SLC24A2: variants seen among roughly 807,000 people sequenced by gnomAD.
SLC24A2 encodes solute carrier family 24 member 2.
A neutral mutation model predicts 62.0 loss-of-function variants in SLC24A2; 36 were observed. That is an observed-to-expected ratio of 0.58 (90% CI 0.44 to 0.77). The LOEUF (loss-of-function observed/expected upper bound fraction) is 0.77. SLC24A2 is among the 30% of genes least tolerant of loss of function. The probability of loss-of-function intolerance (pLI) is 0.00; values close to 1 mark genes in which losing one functional copy is unlikely to be tolerated. For synonymous variants in SLC24A2, 358 were observed against 294.0 expected (o/e 1.22, Z -2.23); for missense variants, 846 against 817.9 (o/e 1.03, Z -0.42).
At chr9:19,755,896 T>G (rs921835887) in intron 2 of SLC24A2, among the ~76,000 whole-genome samples, 11 of 144,240 alleles carry the variant, frequency 7.6e-5, no homozygotes, top group African/African-American at 2.8e-4. Flanking sequence ...TTTAGCGATG[T>G]AGCTCTCATT....
the SLC24A2 span, among the ~76,000 whole-genome samples, chr9:20,008,912 C>T: frequency 6.6e-6 from 1 of 152,122 alleles, no homozygotes; most frequent in Admixed American, 6.5e-5. Flanking sequence ...CACAGAAATC[C>T]AACTGGCAAC....
intron 4 of SLC24A2, among the ~76,000 whole-genome samples, chr9:19,617,144 G>C (rs545870959): frequency 6.6e-6 from 1 of 152,200 alleles, no homozygotes; most frequent in South Asian, 2.1e-4. Flanking sequence ...GGATGAAACT[G>C]TTCCACCTCG....
At chr9:19,722,037 C>A (rs1052859211) in intron 2 of SLC24A2, among the ~76,000 whole-genome samples, 9 of 152,068 alleles carry the variant, frequency 5.9e-5, no homozygotes, top group African/African-American at 2.2e-4. Context: ...TTAGGCAATC[C>A]CTCCTGAGAG....
At chr9:19,550,320 C>G in intron 7 of SLC24A2, 52 bp from the exon 8 acceptor site, 1 of 1,580,476 alleles carries the variant, frequency 6.3e-7, no homozygotes, top group Non-Finnish European at 8.7e-7. Context: ...AAAATGTACA[C>G]AGGCACAACA....
the SLC24A2 span, among the ~76,000 whole-genome samples, chr9:20,106,574 G>A: frequency 2.6e-5 from 4 of 152,012 alleles, no homozygotes; most frequent in Non-Finnish European, 4.4e-5. Context: ...AATCCAGCAT[G>A]TAAACAGAAC....
chr9:19,881,938 AT>A, the SLC24A2 span, among the ~76,000 whole-genome samples: 1 of 152,138 alleles, frequency 6.6e-6, no homozygotes, highest in African/African-American at 2.4e-5. Flanking sequence ...CATGTTATTA[AT>A]TTTTTTCACA....
chr9:20,001,392 G>A, the SLC24A2 span, among the ~76,000 whole-genome samples: 3 of 152,182 alleles, frequency 2.0e-5, no homozygotes, highest in African/African-American at 7.2e-5. Context: ...CTGGAAGGGG[G>A]TTAAGCCTAG....
chr9:19,567,184 A>AT (rs1229632513), intron 7 of SLC24A2, among the ~76,000 whole-genome samples: 1 of 151,160 alleles, frequency 6.6e-6, no homozygotes, highest in East Asian at 1.9e-4. Flanking sequence ...GAAAAAAAAA[A>AT]AAGAAAATCT....
the SLC24A2 span, among the ~76,000 whole-genome samples, chr9:19,941,794 C>T: frequency 6.6e-6 from 1 of 151,936 alleles, no homozygotes; most frequent in African/African-American, 2.4e-5. Flanking sequence ...ATGTGTCTGC[C>T]AGACCGTTCT....
the SLC24A2 span, among the ~76,000 whole-genome samples, chr9:19,794,452 A>G: frequency 6.6e-6 from 1 of 152,124 alleles, no homozygotes; most frequent in African/African-American, 2.4e-5. Flanking sequence ...GGCCTACTTG[A>G]GGGGGAAGTG....
chr9:20,299,468 T>C, the SLC24A2 span, among the ~76,000 whole-genome samples: 6 of 152,220 alleles, frequency 3.9e-5, no homozygotes, highest in South Asian at 1.0e-3. Flanking sequence ...TTTCCTGCCA[T>C]GCTTGTGATG....
chr9:19,556,060 G>A (rs1041359260), intron 7 of SLC24A2, among the ~76,000 whole-genome samples: 10 of 152,156 alleles, frequency 6.6e-5, no homozygotes, highest in African/African-American at 2.2e-4. Context: ...TGGAGGCTCG[G>A]CCATCAGAAC....
chr9:20,008,622 T>A, the SLC24A2 span, among the ~76,000 whole-genome samples: 1 of 152,028 alleles, frequency 6.6e-6, no homozygotes, highest in East Asian at 1.9e-4. Context: ...AAAGGTAGAG[T>A]GTGCTCCCAT....
At chr9:20,099,017 G>A in the SLC24A2 span, among the ~76,000 whole-genome samples, 2 of 152,212 alleles carry the variant, frequency 1.3e-5, no homozygotes, top group Non-Finnish European at 2.9e-5. Context: ...TCATTATGCA[G>A]ATGGTAATGT....
chr9:20,280,630 C>G, the SLC24A2 span, among the ~76,000 whole-genome samples: 7 of 152,188 alleles, frequency 4.6e-5, no homozygotes, highest in African/African-American at 1.4e-4. Flanking sequence ...GAACTTGGGC[C>G]CCTGTACTAG....
the SLC24A2 span, among the ~76,000 whole-genome samples, chr9:20,244,476 A>C: frequency 2.6e-5 from 4 of 152,158 alleles, no homozygotes; most frequent in Non-Finnish European, 5.9e-5. Flanking sequence ...GCCCTGTGAA[A>C]TGCATGCGTG....
intron 2 of SLC24A2, among the ~76,000 whole-genome samples, chr9:19,742,500 T>C (rs1821710081): frequency 6.6e-6 from 1 of 152,172 alleles, no homozygotes. Flanking sequence ...GAGAAAAGCC[T>C]ATGTTTAAAT....
the SLC24A2 span, among the ~76,000 whole-genome samples, chr9:20,054,253 G>A: frequency 3.3e-5 from 5 of 151,912 alleles, no homozygotes; most frequent in Non-Finnish European, 5.9e-5. Context: ...ATGCAGTGGT[G>A]TGATCTTGGC....
chr9:19,974,852 T>C, the SLC24A2 span, among the ~76,000 whole-genome samples: 1 of 152,196 alleles, frequency 6.6e-6, no homozygotes, highest in Non-Finnish European at 1.5e-5. Flanking sequence ...AATGGTCAGA[T>C]ATTATTTCGT....
Sources: allele counts gnomAD v4.1 joint callset (sites outside exome capture counted in the v4.1 genomes callset), GRCh38; gene constraint gnomAD v4.1.1; transcripts MANE v1.5; gene names NCBI Gene and HGNC (gene_info 2026-07-23, HGNC 2026-07-21).